PTPRQ: variants seen among roughly 807,000 people sequenced by gnomAD.
PTPRQ encodes the protein protein tyrosine phosphatase receptor type Q.
Under a neutral mutation model 246.0 loss-of-function variants are expected in PTPRQ, and 199 were observed. The observed-to-expected ratio is 0.81, with a 90% confidence interval of 0.72 to 0.91. PTPRQ has a LOEUF of 0.91. PTPRQ is among the 40% of genes least tolerant of loss of function. The pLI is 0.00. For synonymous variants in PTPRQ, 869 were observed against 853.2 expected (o/e 1.02, Z -0.32); for missense variants, 2,624 against 2,528.4 (o/e 1.04, Z -0.81).
intron 16 of PTPRQ, among the ~76,000 whole-genome samples, chr12:80,509,355 A>G (rs1895057205): frequency 6.6e-6 from 1 of 152,080 alleles, no homozygotes; most frequent in Non-Finnish European, 1.5e-5. Context: ...GTCAGGTAGC[A>G]TTCTGTCCAA....
intron 18 of PTPRQ, among the ~76,000 whole-genome samples, chr12:80,534,469 A>T (rs1396948955): frequency 6.6e-6 from 1 of 152,084 alleles, no homozygotes; most frequent in South Asian, 2.1e-4. Flanking sequence ...AAGTTACTTG[A>T]CAAATAGAAT....
At chr12:80,515,546 G>C (rs566279365) in intron 17 of PTPRQ, among the ~76,000 whole-genome samples, 26 of 151,256 alleles carry the variant, frequency 1.7e-4, no homozygotes, top group African/African-American at 6.3e-4. Flanking sequence ...TCAGCCTCCC[G>C]AGTAGCTGGG....
chr12:80,608,289 T>G (rs912681885), intron 27 of PTPRQ, among the ~76,000 whole-genome samples: 2 of 150,558 alleles, frequency 1.3e-5, no homozygotes, highest in African/African-American at 4.9e-5. Flanking sequence ...AAACTTGGAA[T>G]TGATTGAAGG....
At chr12:80,627,577 A>G (rs1267166025) in intron 33 of PTPRQ, among the ~76,000 whole-genome samples, 1 of 152,020 alleles carries the variant, frequency 6.6e-6, no homozygotes, top group Non-Finnish European at 1.5e-5. Context: ...AGTTGGATAC[A>G]TATGCTGAAT....
intron 17 of PTPRQ, among the ~76,000 whole-genome samples, chr12:80,529,792 CA>C (rs376237064): frequency 6.6e-6 from 1 of 152,084 alleles, no homozygotes; most frequent in African/African-American, 2.4e-5. Flanking sequence ...TGTATTTTTA[CA>C]GAATAATTTC....
At chr12:80,655,488 A>G (rs1023033140) in intron 38 of PTPRQ, among the ~76,000 whole-genome samples, 8 of 152,242 alleles carry the variant, frequency 5.3e-5, no homozygotes, top group African/African-American at 1.4e-4. Context: ...TAACAAACCC[A>G]AATCTCTAGC....
chr12:80,483,870 T>A lies in PTPRQ; in HGVS notation c.1187-563T>A, dbSNP rs973345390. Among the ~76,000 whole-genome samples the A allele has an allele frequency of 2.6e-5, 4 of 152,290 alleles. No individual in the cohort carries two copies. The East Asian group carries it at 7.7e-4, about 29-fold the overall frequency. The stretch of plus-strand genomic sequence containing the variant: ...TGTCCTTGTGATAGTTTGCTGAGAA[T>A]GATGGTTTCCAGCTTTATCCATGTC... On this transcript the variant is annotated intron_variant, in intron 8 of 44. Coordinates refer to ENST00000644991, the MANE Select transcript of PTPRQ (RefSeq NM_001145026.2).
chr12:80,446,226 GTTT>G (rs530783702), intron 3 of PTPRQ, among the ~76,000 whole-genome samples: 1 of 142,782 alleles, frequency 7.0e-6, no homozygotes. Context: ...GGGAGCTCAA[GTTT>G]TTTTTTTTTT....
intron 3 of PTPRQ, among the ~76,000 whole-genome samples, chr12:80,447,484 C>G (rs1299678232): frequency 6.6e-6 from 1 of 151,928 alleles, no homozygotes; most frequent in East Asian, 1.9e-4. Flanking sequence ...AGTCCAATAT[C>G]CAGAAGAGTT....
chr12:80,678,966 C>G lies in PTPRQ; in HGVS notation c.6863-20C>G. 2 of 1,539,010 alleles carry G rather than the reference C, an allele frequency of 1.3e-6. No homozygotes were observed. The highest frequency in any genetic ancestry group is 1.8e-6 in the Non-Finnish European group (2 of 1,142,438). The stretch of plus-strand genomic sequence containing the variant: ...TGTTAACTTCAACACTCTCTTGTAA[C>G]ATGTTACTTTCTGTTATAGGTGATG... On this transcript the variant is annotated intron_variant, in intron 44 of 44. Transcript: ENST00000644991.
rs186003147 is a variant in PTPRQ, at chr12:80,476,760, G to A, written c.1186+4509G>A. 4.6e-5 allele frequency among the ~76,000 whole-genome samples: 7 copies of A among 152,300 alleles called. No individual in the cohort carries two copies. The East Asian group carries it at 1.4e-3, about 29-fold the overall frequency. ...GCTAAACCTGTACCGCTGCCAGAGAGTTTAGGGAAATTAACTGAAAGTGTA... is the reference window on the plus strand; with the variant it reads ...GCTAAACCTGTACCGCTGCCAGAGAATTTAGGGAAATTAACTGAAAGTGTA... On this transcript the variant is annotated intron_variant, in intron 8 of 44. Coordinates refer to ENST00000644991, the MANE Select transcript of PTPRQ (RefSeq NM_001145026.2).
chr12:80,644,620 T>C (rs1290641142), intron 35 of PTPRQ, among the ~76,000 whole-genome samples: 1 of 152,128 alleles, frequency 6.6e-6, no homozygotes, highest in Non-Finnish European at 1.5e-5. Context: ...CTAGTGCTTA[T>C]TTAAGCAAAC....
At position 80,542,761 on chromosome 12, in the gene PTPRQ, A is replaced by G; in HGVS notation, c.3753A>G (p.Leu1251=). The part of the protein sequence containing the change: ...VPLAPPQNLT[L]INCTSDFVWL... Reference sequence around the variant, plus strand: ...TAGCACCTCCACAAAATTTGACTTTAATCAACTGTACTTCAGACTTTGTAT... The same window carrying G: ...TAGCACCTCCACAAAATTTGACTTTGATCAACTGTACTTCAGACTTTGTAT... The change falls in exon 23 of 45, where the codon TTA becomes TTG. Residue 1251 remains leucine, a synonymous_variant. Transcript: ENST00000644991. The G allele has an allele frequency of 6.5e-7, 1 of 1,547,682 alleles. No homozygotes were observed. Among genetic ancestry groups the G allele is most frequent in the Non-Finnish European group, 8.7e-7 (1 of 1,145,638 alleles).
rs983228767 is a variant in PTPRQ, at chr12:80,484,467, G to A, written c.1221G>A (p.Glu407=). ...PGAVFDLQLA[E]VESTQVRITW... ...CAGTGTTTGATTTACAACTTGCAGA[G>A]GTAGAATCCACGCAAGTAAGAATTA... is the stretch of plus-strand genomic sequence containing the variant. Residue 407 remains glutamate (E), a synonymous_variant, in exon 9 of 45, where the codon GAG becomes GAA. Coordinates refer to ENST00000644991, the MANE Select transcript of PTPRQ (RefSeq NM_001145026.2). 2 of 1,550,036 alleles carry A rather than the reference G, an allele frequency of 1.3e-6. No individual in the cohort carries two copies. Among genetic ancestry groups the A allele is most frequent in the East Asian group, 2.5e-5 (1 of 40,728 alleles).
At position 80,678,745 on chromosome 12, in the gene PTPRQ, T is replaced by C; in HGVS notation, c.6862+20T>C. ...TGGAAGGTAAACAGAAACAACAGTA[T>C]ATGCCCAGCTTACTAGTTTACCACC... On this transcript the variant is annotated intron_variant, in intron 44 of 44. Transcript: ENST00000644991. 6.5e-7 allele frequency: 1 copy of C among 1,538,180 alleles called. No individual in the cohort carries two copies. The highest frequency in any genetic ancestry group is 1.2e-5 in the South Asian group (1 of 81,016).
chr12:80,510,435 TTATGTC>T lies in PTPRQ; in HGVS notation c.2672_2677del (p.Tyr891_Val892del). 1 of 1,545,020 alleles carries T rather than the reference TTATGTC, an allele frequency of 6.5e-7. No homozygotes were observed. Among genetic ancestry groups the T allele is most frequent in the Admixed American group, 2.0e-5 (1 of 50,144 alleles). On this transcript the variant is annotated inframe_deletion and splice_region_variant, in exon 17 of 45. Transcript: ENST00000644991. ...ATGGAATTATCCTTTATTACACAGT[TTATGTC>T]TGGTAATAATTTTTTTTTTGGAAAT...
intron 17 of PTPRQ, among the ~76,000 whole-genome samples, chr12:80,519,434 T>C (rs1336572024): frequency 6.6e-6 from 1 of 152,170 alleles, no homozygotes; most frequent in African/African-American, 2.4e-5. Flanking sequence ...TCTAAAAATT[T>C]GGAAAGGAGA....
intron 10 of PTPRQ, among the ~76,000 whole-genome samples, chr12:80,494,633 A>G (rs1162968630): frequency 1.3e-5 from 2 of 151,978 alleles, no homozygotes; most frequent in South Asian, 4.1e-4. Flanking sequence ...TTTCTTAAAA[A>G]CACTAATGTC....
At chr12:80,624,914 C>T (rs2121146560) in intron 33 of PTPRQ, among the ~76,000 whole-genome samples, 2 of 152,196 alleles carry the variant, frequency 1.3e-5, no homozygotes, top group South Asian at 4.1e-4. Flanking sequence ...ATTGTAAAAC[C>T]ATATCCTAAT....
Sources: gnomAD v4.1 joint callset for allele counts (sites outside exome capture counted in the v4.1 genomes callset) on GRCh38, gnomAD v4.1.1 for gene constraint, MANE v1.5 for transcripts, NCBI Gene and HGNC (gene_info 2026-07-23, HGNC 2026-07-21) for gene names.